VSX2: variants seen among roughly 807,000 people sequenced by gnomAD.
VSX2 encodes the protein ceh-10 homeo domain containing homolog.
In VSX2, 28 loss-of-function variants were observed where a neutral mutation model predicts 32.1. That is an observed-to-expected ratio of 0.87 (90% CI 0.65 to 1.20). VSX2 has a LOEUF of 1.20. Ranked by LOEUF, VSX2 falls within the 50% of genes most tolerant of loss-of-function variation. VSX2 has a pLI of 0.00. For synonymous variants in VSX2, 243 were observed against 214.1 expected (o/e 1.14, Z -1.18); for missense variants, 506 against 488.7 (o/e 1.04, Z -0.33).
chr14:74,245,562 G>C (rs1388839897), intron 3 of VSX2, among the ~76,000 whole-genome samples: 2 of 152,134 alleles, frequency 1.3e-5, no homozygotes, highest in African/African-American at 4.8e-5. Flanking sequence ...GTCTGGGGAT[G>C]AGAGGTGGAG....
chr14:74,239,561 G>A lies in VSX2; in HGVS notation c.-1G>A. 1 of 1,551,196 alleles carries A rather than the reference G, an allele frequency of 6.4e-7. No homozygotes were observed. The highest frequency in any genetic ancestry group is 8.7e-7 in the Non-Finnish European group (1 of 1,146,982). On this transcript the variant is annotated 5_prime_UTR_variant, in exon 1 of 5. Transcript: ENST00000261980. The stretch of plus-strand genomic sequence containing the variant: ...CCTCAGCCCCTCCAAAGAACAGGGA[G>A]ATGACGGGGAAAGCAGGGGAAGCGC...
At chr14:74,244,966 G>GAGAGAGAGAAAGAGAGAGAGAA (rs2079180152) in intron 2 of VSX2, among the ~76,000 whole-genome samples, 199 bp from the exon 3 acceptor site, 1 of 106,820 alleles carries the variant, frequency 9.4e-6, no homozygotes, top group Non-Finnish European at 1.9e-5. Flanking sequence ...GTGTGTGTGT[G>GAGAGAGAGAAAGAGAGAGAGAA]TGTGTGTGTG....
At position 74,239,502 on chromosome 14, in the gene VSX2, C is replaced by T. The variant is rs2079133863; in HGVS notation, c.-60C>T. The T allele has an allele frequency of 6.5e-7, 1 of 1,545,554 alleles. No homozygotes were observed. Among genetic ancestry groups the T allele is most frequent in the South Asian group, 1.2e-5 (1 of 83,714 alleles). ...GACCAACTTCGCGAAGCGGGAAGCC[C>T]GGCGGGGGGGTGGGGGGAGCTAAAG... On this transcript the variant is annotated 5_prime_UTR_variant, in exon 1 of 5. Transcript: ENST00000261980.
At chr14:74,249,722 A>G (rs1042557826) in intron 3 of VSX2, among the ~76,000 whole-genome samples, 1 of 152,220 alleles carries the variant, frequency 6.6e-6, no homozygotes, top group African/African-American at 2.4e-5. Flanking sequence ...CCTATGAGAT[A>G]GACATGAATG....
chr14:74,249,332 G>A (rs551948149), intron 3 of VSX2, among the ~76,000 whole-genome samples: 1 of 152,198 alleles, frequency 6.6e-6, no homozygotes, highest in South Asian at 2.1e-4. Context: ...GTGCAGTGGT[G>A]TGATCTCGGC....
At chr14:74,240,712 C>A (rs1265901500) in intron 1 of VSX2, among the ~76,000 whole-genome samples, 1 of 152,186 alleles carries the variant, frequency 6.6e-6, no homozygotes. Flanking sequence ...CGAGTAGGGA[C>A]GCATTGTGCC....
rs923036980 is a variant in VSX2 at position 74,261,170 on chromosome 14, G to A, written c.*251G>A. 18 of 557,118 alleles carry A rather than the reference G, an allele frequency of 3.2e-5. No individual in the cohort carries two copies. The highest frequency in any genetic ancestry group is 2.7e-4 in the Admixed American group (9 of 32,960). 34.5% of individuals were successfully genotyped at this position (557,118 alleles called of 1,614,324 possible). ...CAGAAGCCTTCTTGCTGCCCACAAC[G>A]TCCCCTCAAGCCCCTTCTCTCAATC... On this transcript the variant is annotated 3_prime_UTR_variant, in exon 5 of 5. Transcript: ENST00000261980.
intron 2 of VSX2, among the ~76,000 whole-genome samples, chr14:74,241,860 G>A (rs1407392301): frequency 1.3e-5 from 2 of 152,248 alleles, no homozygotes; most frequent in Admixed American, 1.3e-4. Context: ...GCAAAATGGA[G>A]TGGTAGGCGA....
At chr14:74,256,786 G>C (rs1277503628) in intron 3 of VSX2, among the ~76,000 whole-genome samples, 1 of 148,658 alleles carries the variant, frequency 6.7e-6, no homozygotes, top group East Asian at 2.0e-4. Flanking sequence ...CGATTCTTCT[G>C]CTTCAGCCTC....
At chr14:74,241,100 C>G in intron 1 of VSX2, 82 bp from the exon 2 acceptor site, 3 of 1,474,502 alleles carry the variant, frequency 2.0e-6, no homozygotes, top group Non-Finnish European at 2.8e-6. Context: ...GCGGAGGCAG[C>G]CCGGGGTGGG....
At chr14:74,258,862 CT>C (rs1378535047) in intron 3 of VSX2, among the ~76,000 whole-genome samples, 4 of 152,210 alleles carry the variant, frequency 2.6e-5, no homozygotes, top group Non-Finnish European at 5.9e-5. Flanking sequence ...TCCCAGGTCC[CT>C]CCTCCCATTT....
rs1018421287 is a variant in VSX2, at chr14:74,255,742, T to G, written c.580-3860T>G. On this transcript the variant is annotated intron_variant, in intron 3 of 4. Coordinates refer to ENST00000261980, the MANE Select transcript of VSX2 (RefSeq NM_182894.3). ...CCAGGGCAGTGCACCTTGCCAGGTA[T>G]CCACACTGGGTGGGTGGGGGCATCT... Among the ~76,000 whole-genome samples the G allele has an allele frequency of 5.3e-5, 8 of 152,002 alleles. No individual in the cohort carries two copies. In the East Asian group the frequency reaches 1.5e-3, roughly 29 times the overall value.
chr14:74,250,067 C>T (rs1330012641), intron 3 of VSX2, among the ~76,000 whole-genome samples: 1 of 152,004 alleles, frequency 6.6e-6, no homozygotes, highest in Non-Finnish European at 1.5e-5. Flanking sequence ...ATGGCAAAAC[C>T]TCATCTCCAC....
chr14:74,257,740 G>A (rs1040339363), intron 3 of VSX2, among the ~76,000 whole-genome samples: 18 of 122,540 alleles, frequency 1.5e-4, no homozygotes, highest in Non-Finnish European at 2.9e-4. Flanking sequence ...AGCCCCGCCG[G>A]CCCCAGCTCC....
In VSX2 at chr14:74,259,794, C is replaced by A; in HGVS notation, c.760+12C>A. On this transcript the variant is annotated intron_variant, in intron 4 of 4. Transcript: ENST00000261980. ...CCCGTGGCTACTGGGTAAGAGCCCG[C>A]ACCCTCCTTGGGGTCCTGCCCTGCG... 6.6e-7 allele frequency: 1 copy of A among 1,524,562 alleles called. No individual in the cohort carries two copies. Among genetic ancestry groups the A allele is most frequent in the South Asian group, 1.1e-5 (1 of 87,364 alleles). The allele number at this position is 1,524,562 out of a possible 1,614,324, so 94.4% of individuals were successfully genotyped here.
chr14:74,257,454 G>A (rs1275331168), intron 3 of VSX2, among the ~76,000 whole-genome samples: 2 of 152,252 alleles, frequency 1.3e-5, no homozygotes, highest in Non-Finnish European at 2.9e-5. Flanking sequence ...GAGGCCGGGG[G>A]CATCTAAGGC....
chr14:74,249,632 C>G (rs1224259364), intron 3 of VSX2, among the ~76,000 whole-genome samples: 2 of 152,126 alleles, frequency 1.3e-5, no homozygotes, highest in African/African-American at 4.8e-5. Context: ...CACCCATTTT[C>G]TAGATGAAGA....
chr14:74,260,196 C>A (rs1423982918), intron 4 of VSX2, among the ~76,000 whole-genome samples: 1 of 152,196 alleles, frequency 6.6e-6, no homozygotes, highest in Non-Finnish European at 1.5e-5. Context: ...TTCTGTCCCC[C>A]AAATCTCTCT....
At chr14:74,249,029 G>A (rs113802859) in intron 3 of VSX2, among the ~76,000 whole-genome samples, 4 of 152,214 alleles carry the variant, frequency 2.6e-5, no homozygotes, top group African/African-American at 9.6e-5. Context: ...CTGCATGTCT[G>A]AAGTCTACTG....
Sources: allele counts gnomAD v4.1 joint callset (sites outside exome capture counted in the v4.1 genomes callset), GRCh38; gene constraint gnomAD v4.1.1; transcripts MANE v1.5; gene names NCBI Gene and HGNC (gene_info 2026-07-23, HGNC 2026-07-21).